Variants in MYH11 observed in about 807,000 individuals in gnomAD.
MYH11 encodes myosin-11.
In MYH11, 80 loss-of-function variants were observed where a neutral mutation model predicts 246.6. The observed-to-expected ratio is 0.32, with a 90% CI of 0.27 to 0.39. MYH11 has a LOEUF of 0.39. Ranked by LOEUF, MYH11 falls within the 10% of genes least tolerant of loss-of-function variation. The probability of loss-of-function intolerance (pLI) is 1.00; values close to 1 mark genes in which losing one functional copy is unlikely to be tolerated. For missense variants in MYH11, 2,158 were observed against 2,546.8 expected (o/e 0.85, Z 3.29); for synonymous variants, 1,071 against 1,015.5 (o/e 1.05, Z -1.04).
Position 15,771,445 on chromosome 16 carries a change from T to C in MYH11, c.1033+124A>G, listed in dbSNP as rs993672006. On this transcript the variant is annotated intron_variant, in intron 9 of 40. Transcript: ENST00000300036. ...AAATTCATTTTCCTCCTTTTTTTTT[T>C]TTTTTTTTAATGGAAGGTGGGGAAT... The C allele has an allele frequency of 1.4e-5, 15 of 1,049,608 alleles. No homozygotes were observed. The African/African-American group carries it at 2.4e-4, about 17-fold the overall frequency. 65.0% of individuals were successfully genotyped at this position (1,049,608 alleles called of 1,614,324 possible).
chr16:15,814,295 G>A (rs2044093608), intron 3 of MYH11, among the ~76,000 whole-genome samples: 1 of 152,112 alleles, frequency 6.6e-6, no homozygotes, highest in Admixed American at 6.5e-5. Flanking sequence ...GCTCACGCCT[G>A]TAATCCCAGC....
intron 4 of MYH11, chr16:15,790,955 C>CTTTTTTTTTTTTTTTTTT (rs770852667): frequency 1.7e-5 from 2 of 118,226 alleles, no homozygotes; most frequent in Non-Finnish European, 1.7e-5. Context: ...TTTTTCTTTT[C>CTTTTTTTTTTTTTTTTTT]TTTTTTTTTT....
rs552319718 is a variant in MYH11 at position 15,796,866 on chromosome 16, G to A, written c.530+1794C>T. Among the ~76,000 whole-genome samples the A allele has an allele frequency of 3.9e-5, 6 of 152,258 alleles. No individual in the cohort carries two copies. In the South Asian group the frequency reaches 6.2e-4, roughly 16 times the overall value. Reference sequence around the variant, plus strand: ...AGCCAGAAAACTAGGAAACCAAGTCGGCAGGTTGTTTTAGCATTTATATCC... The same window carrying A: ...AGCCAGAAAACTAGGAAACCAAGTCAGCAGGTTGTTTTAGCATTTATATCC... On this transcript the variant is annotated intron_variant, in intron 4 of 40. Transcript: ENST00000300036.
rs199761369 is a variant in MYH11, at chr16:15,706,404, GGT to G, written c.5787-2283_5787-2282del. On this transcript the variant is annotated intron_variant, in intron 40 of 40. Coordinates refer to ENST00000300036, the MANE Select transcript of MYH11 (RefSeq NM_002474.3). ...TCTCTTCGTCACAGTTTTAACTCCA[GGT>G]TCAAACCCTGATGGGTTGGCCAGTT... 9.0e-3 allele frequency among the ~76,000 whole-genome samples: 1,369 copies of G among 152,244 alleles called. 69 individuals carry two copies. The highest frequency in any genetic ancestry group is 0.081 in the Admixed American group (1,234 of 15,274).
chr16:15,745,330 G>T, intron 19 of MYH11, 93 bp from the exon 20 acceptor site: 1 of 848,806 alleles, frequency 1.2e-6, no homozygotes, highest in South Asian at 1.4e-5. Flanking sequence ...CCTGCACAGG[G>T]ACATGCCCCA....
intron 3 of MYH11, among the ~76,000 whole-genome samples, chr16:15,802,724 C>T (rs145128102): frequency 1.2e-4 from 18 of 151,392 alleles, no homozygotes; most frequent in South Asian, 2.2e-4. Context: ...GCTGGGATTA[C>T]AGGCGTGAGC....
intron 31 of MYH11, among the ~76,000 whole-genome samples, chr16:15,722,047 G>A (rs2040514784): frequency 6.6e-6 from 1 of 152,014 alleles, no homozygotes; most frequent in Non-Finnish European, 1.5e-5. Flanking sequence ...AAGTAGAGAT[G>A]TGGTTTTGCC....
intron 1 of MYH11, among the ~76,000 whole-genome samples, chr16:15,847,778 C>CT (rs979338792): frequency 2.0e-5 from 3 of 152,178 alleles, no homozygotes; most frequent in African/African-American, 7.2e-5. Context: ...TTTGATGTCT[C>CT]TGACAGTTAC....
At chr16:15,816,004 C>T (rs369054711) in intron 3 of MYH11, among the ~76,000 whole-genome samples, 1 of 152,084 alleles carries the variant, frequency 6.6e-6, no homozygotes, top group Non-Finnish European at 1.5e-5. Context: ...AATTTTAAAC[C>T]CAACTAAACT....
At chr16:15,798,785 T>A (rs1419859413) in intron 3 of MYH11, 98 bp from the exon 4 acceptor site, 2 of 1,262,054 alleles carry the variant, frequency 1.6e-6, no homozygotes, top group Non-Finnish European at 2.3e-6. Context: ...ATTCTAAAGC[T>A]TCTCCATGCT....
chr16:15,724,052 A>T, intron 31 of MYH11, 109 bp downstream of exon 31: 5 of 1,542,582 alleles, frequency 3.2e-6, no homozygotes, highest in African/African-American at 1.4e-5. Context: ...CTCCCCACAG[A>T]GTGGAGAGGG....
intron 12 of MYH11, 123 bp downstream of exon 12, chr16:15,759,453 C>G: frequency 7.8e-7 from 1 of 1,281,420 alleles, no homozygotes; most frequent in African/African-American, 1.5e-5. Flanking sequence ...CCACCCTTAA[C>G]TAGACAGCCT....
chr16:15,763,738 A>AGCTGGGGGCCCC, intron 10 of MYH11, 58 bp downstream of exon 10: 1 of 717,694 alleles, frequency 1.4e-6, no homozygotes. Flanking sequence ...GTTAAATGTC[A>AGCTGGGGGCCCC]CCTCCCCCAC....
intron 1 of MYH11, among the ~76,000 whole-genome samples, chr16:15,842,800 A>C (rs1405965866): frequency 6.6e-6 from 1 of 151,346 alleles, no homozygotes; most frequent in Non-Finnish European, 1.5e-5. Context: ...AGGGCAGAGA[A>C]ATGAGGAAAT....
chr16:15,715,316 A>C (rs1239632737), intron 38 of MYH11, 44 bp from the exon 39 acceptor site: 1 of 1,599,658 alleles, frequency 6.3e-7, no homozygotes, highest in Non-Finnish European at 8.6e-7. Flanking sequence ...GGAGGGTGGC[A>C]CCCCTTGTAG....
chr16:15,824,884 C>T (rs879793439), intron 2 of MYH11, among the ~76,000 whole-genome samples: 3 of 152,176 alleles, frequency 2.0e-5, no homozygotes, highest in Admixed American at 6.5e-5. Flanking sequence ...ATTTCCCCAC[C>T]GCCTGTTTGA....
intron 2 of MYH11, among the ~76,000 whole-genome samples, chr16:15,828,217 C>T (rs1226210911): frequency 2.0e-5 from 3 of 152,154 alleles, no homozygotes; most frequent in African/African-American, 7.2e-5. Context: ...ACGAACAAGC[C>T]CTTCATAGAT....
intron 37 of MYH11, 200 bp downstream of exon 37, chr16:15,718,115 G>T: frequency 1.3e-6 from 1 of 790,786 alleles, no homozygotes; most frequent in Non-Finnish European, 2.0e-6. Context: ...ACACTGCAGC[G>T]TGGAGAGGAG....
At chr16:15,841,513 C>T (rs1201427232) in intron 1 of MYH11, among the ~76,000 whole-genome samples, 1 of 152,180 alleles carries the variant, frequency 6.6e-6, no homozygotes, top group East Asian at 1.9e-4. Flanking sequence ...GTTTTCTATA[C>T]AAATTGTTCC....
Sources: gnomAD v4.1 joint callset for allele counts (sites outside exome capture counted in the v4.1 genomes callset) on GRCh38, gnomAD v4.1.1 for gene constraint, MANE v1.5 for transcripts, NCBI Gene and HGNC (gene_info 2026-07-23, HGNC 2026-07-21) for gene names.